The following ABHD3 variants were observed in gnomAD, a reference collection of about 807,000 sequenced individuals.
ABHD3 encodes phospholipase ABHD3.
Under a neutral mutation model 48.8 loss-of-function variants are expected in ABHD3, and 46 were observed. That is an observed-to-expected ratio of 0.94 (90% CI 0.74 to 1.20). The LOEUF (loss-of-function observed/expected upper bound fraction) is 1.20, where lower values mean the gene tolerates loss of function less well. ABHD3 is among the 50% of genes most tolerant of loss of function. The pLI is 0.00. For missense variants in ABHD3, 490 were observed against 497.8 expected (o/e 0.98, Z 0.15); for synonymous variants, 192 against 183.7 (o/e 1.04, Z -0.36).
Position 21,651,781 on chromosome 18 carries a change from C to A in ABHD3, c.1058-18G>T. The A allele has an allele frequency of 6.7e-7, 1 of 1,499,786 alleles. No homozygotes were observed. Among genetic ancestry groups the A allele is most frequent in the Non-Finnish European group, 8.9e-7 (1 of 1,122,442 alleles). The allele number at this position is 1,499,786 out of a possible 1,614,324, so 92.9% of individuals were successfully genotyped here. On this transcript the variant is annotated intron_variant, in intron 8 of 8. Transcript: ENST00000289119. Reference sequence around the variant, plus strand: ...TGGAATAGCTTCAGACCAAAAAAAACATGGCAATAAGAGAGAAGAAGGAGA... The same window carrying A: ...TGGAATAGCTTCAGACCAAAAAAAAAATGGCAATAAGAGAGAAGAAGGAGA...
chr18:21,703,698 T>A lies in ABHD3; in HGVS notation c.212A>T (p.Asp71Val). ...GGESFSRFLQ[D>V]HCPVVTETYY... The stretch of plus-strand genomic sequence containing the variant: ...CGTTTCTGTAACCACGGGACAGTGG[T>A]CTTGAAGGAAGCGGCTGAAACTCTC... The change falls in exon 2 of 9, where the codon GAC becomes GTC. Residue 71 changes from aspartate (D) to valine (V), a missense_variant. Transcript: ENST00000289119. 6.2e-7 allele frequency: 1 copy of A among 1,613,996 alleles called. No individual in the cohort carries two copies. Among genetic ancestry groups the A allele is most frequent in the Non-Finnish European group, 8.5e-7 (1 of 1,179,990 alleles).
chr18:21,653,843 CTTT>C lies in ABHD3; in HGVS notation c.1058-2083_1058-2081del, dbSNP rs759776288. Among the ~76,000 whole-genome samples, 1,057 of 137,272 alleles carry C rather than the reference CTTT, an allele frequency of 7.7e-3. 8 individuals carry two copies. Among genetic ancestry groups the C allele is most frequent in the Non-Finnish European group, 0.011 (724 of 63,152 alleles). The allele number at this position is 137,272 out of a possible 152,430, so 90.1% of individuals were successfully genotyped here. A position where few individuals can be genotyped will look rare whatever the true frequency, so the allele number is the denominator to read the frequency against. ...CCCAGGAGTTTAAGGCTGCAGTAAA[CTTT>C]TTTTTTTTTTTTGAGATGGAATTTC... On this transcript the variant is annotated intron_variant, in intron 8 of 8. Transcript: ENST00000289119.
At chr18:21,683,889 G>A (rs777906548) in intron 4 of ABHD3, 31 bp downstream of exon 4, 1 of 1,558,716 alleles carries the variant, frequency 6.4e-7, no homozygotes, top group Non-Finnish European at 8.7e-7. Flanking sequence ...TCTTTAAAAA[G>A]TTAAGACTGT....
chr18:21,703,218 A>ACCCC (rs745583701), intron 2 of ABHD3, among the ~76,000 whole-genome samples: 55 of 63,084 alleles, frequency 8.7e-4, no homozygotes, highest in South Asian at 2.2e-3. Flanking sequence ...TTCTCACCCC[A>ACCCC]CCCCCCCCCC....
Position 21,664,248 on chromosome 18 carries a change from T to C in ABHD3, c.556-18A>G. On this transcript the variant is annotated intron_variant, in intron 4 of 8. Coordinates refer to ENST00000289119, the MANE Select transcript of ABHD3 (RefSeq NM_138340.5). ...CTTGGCGTCTGGAAGTAGTGACAAG[T>C]AAAGCACAAAAATTACAATGTGAGG... is the stretch of plus-strand genomic sequence containing the variant. The C allele has an allele frequency of 6.2e-7, 1 of 1,600,358 alleles. No individual in the cohort carries two copies. Among genetic ancestry groups the C allele is most frequent in the Non-Finnish European group, 8.5e-7 (1 of 1,176,058 alleles).
At position 21,657,013 on chromosome 18, in the gene ABHD3, CT is replaced by C; in HGVS notation, c.904del (p.Arg302GlufsTer30). ...TGAAGTGAATCGCTTATCAAACTCT[CT>C]GATGGATTTAGCCTGAAACACAAAA... is the stretch of plus-strand genomic sequence containing the variant. ...MDHVMKAKSI[R>X]EFDKRFTSVM... On this transcript the variant is annotated frameshift_variant, in exon 8 of 9. Transcript: ENST00000289119. LOFTEE classifies it high-confidence loss of function. 1 of 1,614,058 alleles carries C rather than the reference CT, an allele frequency of 6.2e-7. No homozygotes were observed. The highest frequency in any genetic ancestry group is 1.3e-5 in the African/African-American group (1 of 75,040).
In ABHD3 at chr18:21,704,724, C is replaced by A. The variant is rs2040601348; in HGVS notation, c.-59G>T. The A allele has an allele frequency of 7.7e-7, 1 of 1,297,174 alleles. No individual in the cohort carries two copies. The highest frequency in any genetic ancestry group is 9.9e-7 in the Non-Finnish European group (1 of 1,011,242). 80.4% of individuals were successfully genotyped at this position (1,297,174 alleles called of 1,614,324 possible). ...GGAGGAGAGCCGGCTGGCGAGCGGG[C>A]GAGAGCGGGCGAGAGCGGACGCGGC... On this transcript the variant is annotated 5_prime_UTR_variant, in exon 1 of 9. Transcript: ENST00000289119.
At chr18:21,681,549 CTT>C (rs1282665327) in intron 4 of ABHD3, among the ~76,000 whole-genome samples, 3 of 152,138 alleles carry the variant, frequency 2.0e-5, no homozygotes. Context: ...CCCTCCATCT[CTT>C]TCTTTCCTAC....
In ABHD3 at chr18:21,689,257, C is replaced by T. The variant is rs183766730; in HGVS notation, c.510-5292G>A. ...GATAAATAAAAGTTGGATAGAAATG[C>T]GCAGTCTCTTGGCTGGGCACAGTGC... On this transcript the variant is annotated intron_variant, in intron 3 of 8. Coordinates refer to ENST00000289119, the MANE Select transcript of ABHD3 (RefSeq NM_138340.5). Among the ~76,000 whole-genome samples, 25 of 152,002 alleles carry T rather than the reference C, an allele frequency of 1.6e-4. No homozygotes were observed. In the South Asian group the frequency reaches 2.9e-3, roughly 18 times the overall value.
At chr18:21,700,952 CAAAAAAAAAA>C (rs34993965) in intron 3 of ABHD3, among the ~76,000 whole-genome samples, 1 of 81,664 alleles carries the variant, frequency 1.2e-5, no homozygotes, top group African/African-American at 4.4e-5. Flanking sequence ...GATTTGGCCT[CAAAAAAAAAA>C]AAAAAAAAAA....
intron 3 of ABHD3, among the ~76,000 whole-genome samples, chr18:21,697,623 C>T (rs1294195800): frequency 6.6e-6 from 1 of 151,970 alleles, no homozygotes; most frequent in African/African-American, 2.4e-5. Context: ...TCAAGTGATC[C>T]ACCCGCCTCG....
chr18:21,663,837 C>T (rs1377456729), intron 5 of ABHD3: 12 of 1,519,750 alleles, frequency 7.9e-6, no homozygotes, highest in Admixed American at 2.1e-5. Flanking sequence ...AACATGGCAG[C>T]CGGTGAGTGA....
chr18:21,698,991 T>C (rs549938097), intron 3 of ABHD3, among the ~76,000 whole-genome samples: 2 of 151,970 alleles, frequency 1.3e-5, no homozygotes, highest in South Asian at 2.1e-4. Flanking sequence ...TGGAGTGTAG[T>C]GGCACGATCT....
Position 21,653,737 on chromosome 18 carries a change from TAA to T in ABHD3, c.1058-1976_1058-1975del, listed in dbSNP as rs11361855. 2.9e-3 allele frequency among the ~76,000 whole-genome samples: 347 copies of T among 120,296 alleles called. 3 individuals carry two copies. In the East Asian group the frequency reaches 0.039, roughly 14 times the overall value. The allele number at this position is 120,296 out of a possible 152,430, so 78.9% of individuals were successfully genotyped here. On this transcript the variant is annotated intron_variant, in intron 8 of 8. Transcript: ENST00000289119. Reference sequence around the variant, plus strand: ...CTGACCGTGTCTTTACAAAAAATGTTAAAAAAAAAAAAAAAAAAGCCTTGTGT... The same window carrying T: ...CTGACCGTGTCTTTACAAAAAATGTTAAAAAAAAAAAAAAAAGCCTTGTGT...
rs780703759 is a variant in ABHD3 at position 21,703,556 on chromosome 18, A to C, written c.326+28T>G. On this transcript the variant is annotated intron_variant, in intron 2 of 8. Coordinates refer to ENST00000289119, the MANE Select transcript of ABHD3 (RefSeq NM_138340.5). ...AAACAAACAACCTGTGATTTTGCAG[A>C]AATGACTGAAAACGGAAATTCACTT... The C allele has an allele frequency of 5.0e-6, 8 of 1,591,734 alleles. No homozygotes were observed. In the Admixed American group the frequency reaches 8.5e-5, roughly 17 times the overall value.
chr18:21,664,445 A>AC, intron 4 of ABHD3: 1 of 473,566 alleles, frequency 2.1e-6, no homozygotes, highest in Non-Finnish European at 3.7e-6. Context: ...TAACAAAAAG[A>AC]CCATGAACAT....
chr18:21,676,957 T>G (rs1392926073), intron 4 of ABHD3, among the ~76,000 whole-genome samples: 1 of 152,190 alleles, frequency 6.6e-6, no homozygotes, highest in East Asian at 1.9e-4. Flanking sequence ...CAATGGTTTT[T>G]AATATATTCA....
At chr18:21,684,017 T>C in intron 3 of ABHD3, 52 bp from the exon 4 acceptor site, 1 of 1,504,676 alleles carries the variant, frequency 6.6e-7, no homozygotes, top group Non-Finnish European at 9.1e-7. Context: ...TTCTTGCTCA[T>C]GATATAATAT....
chr18:21,674,715 G>A (rs914792135), intron 4 of ABHD3, among the ~76,000 whole-genome samples: 10 of 152,242 alleles, frequency 6.6e-5, no homozygotes, highest in Non-Finnish European at 1.0e-4. Flanking sequence ...TATTTTTGAA[G>A]CATTTAGGAA....
Sources: gnomAD v4.1 joint callset for allele counts (sites outside exome capture counted in the v4.1 genomes callset) on GRCh38, gnomAD v4.1.1 for gene constraint, MANE v1.5 for transcripts, NCBI Gene and HGNC (gene_info 2026-07-23, HGNC 2026-07-21) for gene names.